RHPN1: variants seen among roughly 807,000 people sequenced by gnomAD.
RHPN1 encodes the protein rhophilin Rho GTPase binding protein 1.
A neutral mutation model predicts 74.7 loss-of-function variants in RHPN1; 77 were observed. The observed-to-expected ratio is 1.03, with a 90% confidence interval of 0.86 to 1.25. RHPN1 has a LOEUF of 1.25. Among genes scored for constraint, RHPN1 ranks in the 50% most tolerant of loss-of-function variants. The probability of loss-of-function intolerance (pLI) is 0.00; values close to 1 mark genes in which losing one functional copy is unlikely to be tolerated. For missense variants in RHPN1, 987 were observed against 932.2 expected, an observed-to-expected ratio of 1.06 and a Z score of -0.77; for synonymous variants, 444 against 414.5, an observed-to-expected ratio of 1.07 and a Z score of -0.87.
intron 4 of RHPN1, among the ~76,000 whole-genome samples, chr8:143,377,699 AACATG>A (rs1818375627): frequency 6.6e-6 from 1 of 152,092 alleles, no homozygotes. Context: ...AGTGGGTGTG[AACATG>A]TGCCCTACCC....
intron 12 of RHPN1, 68 bp downstream of exon 12, chr8:143,381,412 A>C: frequency 1.3e-6 from 2 of 1,506,862 alleles, no homozygotes; most frequent in Non-Finnish European, 1.8e-6. Flanking sequence ...TGACCAGCAC[A>C]TGGCCTCAGA....
In RHPN1 at chr8:143,381,835, T is replaced by C. The variant is rs1563805536; in HGVS notation, c.1664T>C (p.Ile555Thr). The C allele has an allele frequency of 6.2e-7, 1 of 1,613,022 alleles. No individual in the cohort carries two copies. The highest frequency in any genetic ancestry group is 1.1e-5 in the South Asian group (1 of 91,034). ...AAAGLKEGDY[I>T]VSVNGQPCRW... ...GCTGGCCTGAAGGAGGGCGACTACA[T>C]TGTGTCAGTGAATGGGCAGCCATGC... The change falls in exon 14 of 15, where the codon ATT becomes ACT. Residue 555 changes from isoleucine (I) to threonine (T), a missense_variant. Transcript: ENST00000289013.
chr8:143,371,192 C>T (rs1174741458), intron 1 of RHPN1, among the ~76,000 whole-genome samples: 1 of 152,162 alleles, frequency 6.6e-6, no homozygotes, highest in African/African-American at 2.4e-5. Flanking sequence ...CTGCTTATAG[C>T]CCTGTGTCCC....
chr8:143,367,704 C>T (rs1817588880), upstream of RHPN1: 1 of 152,384 alleles, frequency 6.6e-6, no homozygotes, highest in Middle Eastern at 3.4e-3. Context: ...GATCCCAGGG[C>T]TCAGCTCCAA....
At chr8:143,375,069 G>T (rs139207837) in intron 1 of RHPN1, among the ~76,000 whole-genome samples, 102 of 152,340 alleles carry the variant, frequency 6.7e-4, no homozygotes, top group African/African-American at 2.4e-3. Context: ...TGTCCTTTGA[G>T]CCCACGCCTA....
intron 1 of RHPN1, among the ~76,000 whole-genome samples, chr8:143,373,662 C>T (rs1350588357): frequency 4.0e-5 from 1 of 25,256 alleles, no homozygotes; most frequent in Non-Finnish European, 6.6e-5. Context: ...TTCCAGGGGA[C>T]GGTGTGGGGG....
intron 8 of RHPN1, 119 bp downstream of exon 8, chr8:143,379,627 T>A: frequency 6.9e-7 from 1 of 1,449,840 alleles, no homozygotes; most frequent in Non-Finnish European, 9.1e-7. Flanking sequence ...CCGAGCCAGC[T>A]GTTGTCCTGC....
At position 143,378,360 on chromosome 8, in the gene RHPN1, C is replaced by CG; in HGVS notation, c.459+14_459+15insG. 1 of 734,820 alleles carries CG rather than the reference C, an allele frequency of 1.4e-6. No individual in the cohort carries two copies. The highest frequency in any genetic ancestry group is 1.9e-5 in the African/African-American group (1 of 53,368). 45.5% of individuals were successfully genotyped at this position (734,820 alleles called of 1,614,324 possible). On this transcript the variant is annotated intron_variant, in intron 5 of 14. Coordinates refer to ENST00000289013, the MANE Select transcript of RHPN1 (RefSeq NM_052924.3). ...GCCCTGCGGCAGGTGTGTGGTTCCC[C>CG]CGCCCACCCACCCTCCTGCAGCCCT...
At chr8:143,378,588 C>T in intron 5 of RHPN1, 108 bp from the exon 6 acceptor site, 1 of 1,415,588 alleles carries the variant, frequency 7.1e-7, no homozygotes, top group Non-Finnish European at 9.4e-7. Context: ...GCCCCACTGG[C>T]TTTGCCTCCC....
At chr8:143,382,135 T>C (rs1472974983) in intron 14 of RHPN1, among the ~76,000 whole-genome samples, 167 bp downstream of exon 14, 1 of 152,192 alleles carries the variant, frequency 6.6e-6, no homozygotes, top group Non-Finnish European at 1.5e-5. Context: ...GGCCTCCATC[T>C]GGCAGCTCTT....
chr8:143,369,054 A>C lies in RHPN1; in HGVS notation c.60+7A>C. Reference sequence around the variant, plus strand: ...GGAGAGCCCGCGGCTGCAGGTGCGCAGAACTGGCGCGGCGGCGGGAGGAGG... The same window carrying C: ...GGAGAGCCCGCGGCTGCAGGTGCGCCGAACTGGCGCGGCGGCGGGAGGAGG... On this transcript the variant is annotated splice_region_variant and intron_variant, in intron 1 of 14. Transcript: ENST00000289013. 6.8e-7 allele frequency: 1 copy of C among 1,480,176 alleles called. No individual in the cohort carries two copies. The highest frequency in any genetic ancestry group is 8.9e-7 in the Non-Finnish European group (1 of 1,122,576). 91.7% of individuals were successfully genotyped at this position (1,480,176 alleles called of 1,614,324 possible).
chr8:143,370,445 C>T (rs961361456), intron 1 of RHPN1, among the ~76,000 whole-genome samples: 6 of 152,216 alleles, frequency 3.9e-5, no homozygotes, highest in Non-Finnish European at 8.8e-5. Context: ...AGAGTGAGGC[C>T]TGTTCCACCC....
chr8:143,375,105 C>T (rs1305549763), intron 1 of RHPN1, among the ~76,000 whole-genome samples: 3 of 152,106 alleles, frequency 2.0e-5, no homozygotes, highest in East Asian at 3.9e-4. Flanking sequence ...GATTTGGAGG[C>T]GTGGGTGAGT....
At chr8:143,380,226 T>G in intron 10 of RHPN1, 51 bp downstream of exon 10, 1 of 1,271,866 alleles carries the variant, frequency 7.9e-7, no homozygotes, top group Non-Finnish European at 1.1e-6. Flanking sequence ...TCACCAACGG[T>G]GGCAGGGTGT....
At position 143,380,177 on chromosome 8, in the gene RHPN1, T is replaced by C; in HGVS notation, c.1216+2T>C. On this transcript the variant is annotated splice_donor_variant, in intron 10 of 14. Coordinates refer to ENST00000289013, the MANE Select transcript of RHPN1 (RefSeq NM_052924.3). LOFTEE classifies it high-confidence loss of function. ...AGCTGGAGGAGCGCAGGCAGCTTGG[T>C]AAGGCGCCCATGGGTGGAGTGCCCT... The C allele has an allele frequency of 6.5e-7, 1 of 1,535,078 alleles. No homozygotes were observed. Among genetic ancestry groups the C allele is most frequent in the Non-Finnish European group, 8.8e-7 (1 of 1,140,852 alleles).
intron 5 of RHPN1, 46 bp downstream of exon 5, chr8:143,378,392 C>A: frequency 7.3e-7 from 1 of 1,362,514 alleles, no homozygotes; most frequent in Non-Finnish European, 9.9e-7. Flanking sequence ...CCCTGGGAGA[C>A]ACATGCGGAG....
At chr8:143,381,468 C>T in intron 12 of RHPN1, 104 bp from the exon 13 acceptor site, 2 of 1,476,832 alleles carry the variant, frequency 1.4e-6, no homozygotes, top group Admixed American at 2.1e-5. Context: ...CCTTGTGGAA[C>T]CCCACGGTGT....
rs369623697 is a variant in RHPN1, at chr8:143,377,356, T to C, written c.306-24T>C. On this transcript the variant is annotated intron_variant, in intron 3 of 14. Coordinates refer to ENST00000289013, the MANE Select transcript of RHPN1 (RefSeq NM_052924.3). Reference sequence around the variant, plus strand: ...GGCAGCAGGGTTTGGCCTTACAGTCTGAAGTCGATGCTTCTGGTTACAGCG... The same window carrying C: ...GGCAGCAGGGTTTGGCCTTACAGTCCGAAGTCGATGCTTCTGGTTACAGCG... The C allele has an allele frequency of 3.0e-5, 48 of 1,605,344 alleles. No homozygotes were observed. In the African/African-American group the frequency reaches 5.3e-4, roughly 18 times the overall value.
In RHPN1 at chr8:143,376,594, G is replaced by T; in HGVS notation, c.246G>T (p.Gln82His). 6.2e-7 allele frequency: 1 copy of T among 1,604,588 alleles called. No homozygotes were observed. The highest frequency in any genetic ancestry group is 8.5e-7 in the Non-Finnish European group (1 of 1,176,010). ...LELSYVNSNLQLLKEELEELS... is the reference protein window; with the variant it reads ...LELSYVNSNLHLLKEELEELS... ...TGAGCTACGTCAACTCCAACCTGCA[G>T]CTGCTGAAGGAGGAGCTGGAGGAGC... The change falls in exon 3 of 15, where the codon CAG becomes CAT. Residue 82 changes from glutamine (Q) to histidine (H), a missense_variant. Physicochemically the swap from Gln to His is conservative, Grantham distance 24 (BLOSUM62 0). Transcript: ENST00000289013.
Sources: allele counts gnomAD v4.1 joint callset (sites outside exome capture counted in the v4.1 genomes callset), GRCh38; gene constraint gnomAD v4.1.1; transcripts MANE v1.5; gene names NCBI Gene and HGNC (gene_info 2026-07-23, HGNC 2026-07-21).